DCC: variants seen among roughly 807,000 people sequenced by gnomAD.
DCC encodes netrin receptor DCC.
Under a neutral mutation model 172.5 loss-of-function variants are expected in DCC, and 58 were observed. The observed-to-expected ratio is 0.34, with a 90% CI of 0.27 to 0.42. The LOEUF (loss-of-function observed/expected upper bound fraction) is 0.42. Ranked by LOEUF, DCC falls within the 10% of genes least tolerant of loss-of-function variation. The probability of loss-of-function intolerance (pLI) is 1.00; values close to 1 mark genes in which losing one functional copy is unlikely to be tolerated. For synonymous variants in DCC, 709 were observed against 644.5 expected, an observed-to-expected ratio of 1.10 and a Z score of -1.52; for missense variants, 1,740 against 1,791.0, an observed-to-expected ratio of 0.97 and a Z score of 0.51.
intron 7 of DCC, among the ~76,000 whole-genome samples, chr18:53,105,328 G>A (rs998351520): frequency 9.9e-5 from 15 of 152,062 alleles, no homozygotes; most frequent in African/African-American, 3.6e-4. Context: ...AACTGAAAAT[G>A]TACAAGGGCC....
At chr18:52,725,679 A>G (rs1380085496) in intron 1 of DCC, among the ~76,000 whole-genome samples, 2 of 152,218 alleles carry the variant, frequency 1.3e-5, no homozygotes, top group African/African-American at 2.4e-5. Context: ...TACTAGGAGT[A>G]AAGACTCTTA....
At chr18:52,695,109 G>A (rs190275753) in intron 1 of DCC, among the ~76,000 whole-genome samples, 262 of 152,162 alleles carry the variant, frequency 1.7e-3, no homozygotes, top group African/African-American at 6.0e-3. Flanking sequence ...AATGAATTTC[G>A]TAGGTCTCTT....
At chr18:53,103,608 C>T (rs2043204344) in intron 7 of DCC, among the ~76,000 whole-genome samples, 1 of 152,018 alleles carries the variant, frequency 6.6e-6, no homozygotes, top group Admixed American at 6.6e-5. Context: ...CAATAGTTGT[C>T]ATTTGTATTT....
chr18:53,309,487 G>A (rs1374809522), intron 13 of DCC, among the ~76,000 whole-genome samples: 3 of 152,112 alleles, frequency 2.0e-5, no homozygotes, highest in African/African-American at 7.2e-5. Context: ...ATGAATTCTA[G>A]GGGGATACCA....
At chr18:53,059,885 C>T (rs2042469769) in intron 5 of DCC, among the ~76,000 whole-genome samples, 1 of 152,088 alleles carries the variant, frequency 6.6e-6, no homozygotes, top group African/African-American at 2.4e-5. Flanking sequence ...AAGGATGAGG[C>T]ATTGTACTAG....
At chr18:52,884,781 GAAGAGTTAGGCATTT>G (rs1369323731) in intron 2 of DCC, among the ~76,000 whole-genome samples, 1 of 152,126 alleles carries the variant, frequency 6.6e-6, no homozygotes, top group Non-Finnish European at 1.5e-5. Flanking sequence ...TCTGGGCATT[GAAGAGTTAGGCATTT>G]ATTTTAGTCT....
chr18:52,837,417 T>G (rs574315085), intron 2 of DCC, among the ~76,000 whole-genome samples: 1 of 152,298 alleles, frequency 6.6e-6, no homozygotes, highest in Non-Finnish European at 1.5e-5. Context: ...GCTTAGAAAT[T>G]TCTTCTGCCA....
At chr18:52,486,821 T>A (rs1383706906) in intron 1 of DCC, among the ~76,000 whole-genome samples, 1 of 152,130 alleles carries the variant, frequency 6.6e-6, no homozygotes, top group Non-Finnish European at 1.5e-5. Context: ...CTCATTAAAA[T>A]CAGTGGCAGC....
At chr18:52,650,548 T>TTTGGTTTTGTTTGTTTGTTTG in intron 1 of DCC, among the ~76,000 whole-genome samples, 1 of 152,292 alleles carries the variant, frequency 6.6e-6, no homozygotes, top group Middle Eastern at 3.4e-3. Flanking sequence ...GTTTGTTTGT[T>TTTGGTTTTGTTTGTTTGTTTG]TTGGTTTTGT....
chr18:52,945,250 T>C (rs2040525636), intron 5 of DCC, among the ~76,000 whole-genome samples: 1 of 152,208 alleles, frequency 6.6e-6, no homozygotes, highest in African/African-American at 2.4e-5. Context: ...CTTTCTAAGA[T>C]TTATATGAAC....
intron 1 of DCC, among the ~76,000 whole-genome samples, chr18:52,528,763 T>G: frequency 6.6e-6 from 1 of 152,250 alleles, no homozygotes; most frequent in African/African-American, 2.4e-5. Context: ...CTCACAGTTT[T>G]TAGTGCTTCA....
chr18:53,314,001 C>T (rs754911360), intron 13 of DCC, among the ~76,000 whole-genome samples: 15 of 152,206 alleles, frequency 9.9e-5, no homozygotes, highest in Non-Finnish European at 2.1e-4. Context: ...GTTATCACTA[C>T]ATCTATGAAA....
At chr18:52,763,141 T>C in intron 2 of DCC, among the ~76,000 whole-genome samples, 1 of 149,976 alleles carries the variant, frequency 6.7e-6, no homozygotes, top group East Asian at 1.9e-4. Flanking sequence ...AAAAAATCAG[T>C]TTCATTGTAA....
At chr18:52,856,002 T>G (rs2039046934) in intron 2 of DCC, among the ~76,000 whole-genome samples, 1 of 151,852 alleles carries the variant, frequency 6.6e-6, no homozygotes, top group Non-Finnish European at 1.5e-5. Context: ...TGACCTCAGG[T>G]GATCCACCTG....
chr18:52,415,672 TA>T (rs1189108581), intron 1 of DCC, among the ~76,000 whole-genome samples: 1 of 151,832 alleles, frequency 6.6e-6, no homozygotes, highest in African/African-American at 2.4e-5. Context: ...TGCCATATTA[TA>T]AAAATAGAAG....
intron 5 of DCC, among the ~76,000 whole-genome samples, chr18:53,011,345 CTT>C (rs1242480024): frequency 6.6e-6 from 1 of 151,490 alleles, no homozygotes; most frequent in Non-Finnish European, 1.5e-5. Context: ...ATTTAAAACA[CTT>C]TTGAAAAAAT....
At chr18:52,595,143 TCTC>T (rs1195188571) in intron 1 of DCC, among the ~76,000 whole-genome samples, 5 of 152,152 alleles carry the variant, frequency 3.3e-5, no homozygotes, top group African/African-American at 1.2e-4. Context: ...TTATGGTCCT[TCTC>T]CTGGAAGGAT....
chr18:53,431,481 T>G, intron 21 of DCC, among the ~76,000 whole-genome samples: 1 of 151,700 alleles, frequency 6.6e-6, no homozygotes, highest in East Asian at 1.9e-4. Context: ...TTTGTTGTTG[T>G]TGTTGTTGTT....
At chr18:52,727,077 T>C (rs969472187) in intron 1 of DCC, among the ~76,000 whole-genome samples, 3 of 152,148 alleles carry the variant, frequency 2.0e-5, no homozygotes, top group Non-Finnish European at 4.4e-5. Flanking sequence ...TTCTTGAATA[T>C]GATGCTGGAG....
Sources: allele counts gnomAD v4.1 joint callset (sites outside exome capture counted in the v4.1 genomes callset), GRCh38; gene constraint gnomAD v4.1.1; transcripts MANE v1.5; gene names NCBI Gene and HGNC (gene_info 2026-07-23, HGNC 2026-07-21).